Variants in FTO observed in about 807,000 individuals in gnomAD.
FTO encodes the protein alpha-ketoglutarate-dependent dioxygenase FTO.
Under a neutral mutation model 63.9 loss-of-function variants are expected in FTO, and 47 were observed. The observed-to-expected ratio is 0.74, with a 90% CI of 0.58 to 0.94. The LOEUF (loss-of-function observed/expected upper bound fraction) is 0.94, where lower values mean the gene tolerates loss of function less well. FTO is among the 40% of genes least tolerant of loss of function. FTO has a pLI of 0.00. For synonymous variants in FTO, 207 were observed against 224.4 expected (o/e 0.92, Z 0.69); for missense variants, 562 against 618.1 (o/e 0.91, Z 0.96).
chr16:53,871,700 A>G (rs1432335593), intron 4 of FTO, among the ~76,000 whole-genome samples: 1 of 151,872 alleles, frequency 6.6e-6, no homozygotes, highest in East Asian at 1.9e-4. Flanking sequence ...TCTAATGAAT[A>G]ATTAAATTAC....
At chr16:53,939,628 C>T (rs1162807912) in intron 8 of FTO, among the ~76,000 whole-genome samples, 6 of 152,184 alleles carry the variant, frequency 3.9e-5, no homozygotes, top group Non-Finnish European at 8.8e-5. Context: ...TCCCCCTTCT[C>T]CCCACAGTCC....
chr16:53,740,284 T>C (rs947353295), intron 1 of FTO, among the ~76,000 whole-genome samples: 1 of 152,120 alleles, frequency 6.6e-6, no homozygotes, highest in African/African-American at 2.4e-5. Flanking sequence ...TAGAGTGTAT[T>C]TTTTTTAAAG....
At chr16:53,813,521 C>T (rs1246207455) in intron 2 of FTO, among the ~76,000 whole-genome samples, 2 of 152,124 alleles carry the variant, frequency 1.3e-5, no homozygotes, top group African/African-American at 4.8e-5. Context: ...CAAAGTACAC[C>T]TTCTAGGAAG....
Position 53,905,684 on chromosome 16 carries a change from A to G in FTO, c.1239+16733A>G, listed in dbSNP as rs1001618726. Among the ~76,000 whole-genome samples, 24 of 152,214 alleles carry G rather than the reference A, an allele frequency of 1.6e-4. No homozygotes were observed. In the East Asian group the frequency reaches 4.3e-3, roughly 27 times the overall value. ...CCTGAGAGTATTTATCACTGTCCGA[A>G]ATTATGTTTTATGTGTTCACCTATT... On this transcript the variant is annotated intron_variant, in intron 7 of 8. Coordinates refer to ENST00000471389, the MANE Select transcript of FTO (RefSeq NM_001080432.3).
At chr16:53,764,664 G>A (rs1198165224) in intron 1 of FTO, among the ~76,000 whole-genome samples, 4 of 152,006 alleles carry the variant, frequency 2.6e-5, no homozygotes, top group East Asian at 1.9e-4. Context: ...TTTAAAAAAT[G>A]CAAAATGTTA....
rs2086974560 is a variant in FTO, at chr16:54,116,299, C to G, written c.*4384C>G. 1 of 151,812 alleles carries G rather than the reference C, an allele frequency of 6.6e-6. No individual in the cohort carries two copies. The allele number at this position is 151,812 out of a possible 1,614,324, so 9.4% of individuals were successfully genotyped here. ...TGCATACATTTGGATCCATGCCACG[C>G]TAAAAACTGTTTATTTTGGAGATCT... On this transcript the variant is annotated 3_prime_UTR_variant, in exon 9 of 9. Coordinates refer to ENST00000471389, the MANE Select transcript of FTO (RefSeq NM_001080432.3).
chr16:53,894,593 G>T (rs540841712), intron 7 of FTO, among the ~76,000 whole-genome samples: 1 of 151,234 alleles, frequency 6.6e-6, no homozygotes, highest in African/African-American at 2.4e-5. Context: ...TATAAATATC[G>T]AATTTTTTTG....
At chr16:53,746,811 C>T (rs2076661493) in intron 1 of FTO, among the ~76,000 whole-genome samples, 1 of 152,164 alleles carries the variant, frequency 6.6e-6, no homozygotes, top group African/African-American at 2.4e-5. Context: ...ACTTACTCCT[C>T]CTGTCTAATT....
At chr16:53,995,650 G>T (rs2083918568) in intron 8 of FTO, among the ~76,000 whole-genome samples, 1 of 152,194 alleles carries the variant, frequency 6.6e-6, no homozygotes, top group South Asian at 2.1e-4. Context: ...TAAGAGGAAA[G>T]CTTTCAGAGA....
chr16:53,769,783 A>C (rs554138049), intron 1 of FTO, among the ~76,000 whole-genome samples: 1 of 152,234 alleles, frequency 6.6e-6, no homozygotes, highest in Non-Finnish European at 1.5e-5. Context: ...ATGTAACAGT[A>C]ATGAGTAGGT....
chr16:54,018,138 C>G (rs1286618657), intron 8 of FTO, among the ~76,000 whole-genome samples: 1 of 152,006 alleles, frequency 6.6e-6, no homozygotes, highest in Non-Finnish European at 1.5e-5. Context: ...GCGTAATACT[C>G]TACCAAATAT....
At chr16:54,099,860 C>T (rs1185498574) in intron 8 of FTO, among the ~76,000 whole-genome samples, 2 of 152,164 alleles carry the variant, frequency 1.3e-5, no homozygotes, top group Non-Finnish European at 2.9e-5. Flanking sequence ...CAAGTTGCCG[C>T]TCTACAGGAC....
At chr16:54,068,875 A>G (rs1401002960) in intron 8 of FTO, among the ~76,000 whole-genome samples, 1 of 151,930 alleles carries the variant, frequency 6.6e-6, no homozygotes, top group Non-Finnish European at 1.5e-5. Flanking sequence ...CCTGATATTG[A>G]TTTCAGATTG....
At chr16:54,110,471 A>G (rs1300824261) in intron 8 of FTO, among the ~76,000 whole-genome samples, 1 of 152,220 alleles carries the variant, frequency 6.6e-6, no homozygotes, top group African/African-American at 2.4e-5. Context: ...TGTTATGTGT[A>G]ATGTACGACG....
intron 1 of FTO, among the ~76,000 whole-genome samples, chr16:53,775,441 A>C (rs2077437798): frequency 6.6e-6 from 1 of 152,136 alleles, no homozygotes; most frequent in African/African-American, 2.4e-5. Flanking sequence ...CTTTTGCAGT[A>C]GTCTCCTTAT....
intron 1 of FTO, among the ~76,000 whole-genome samples, chr16:53,724,821 G>C (rs1397014279): frequency 6.6e-6 from 1 of 152,146 alleles, no homozygotes; most frequent in Admixed American, 6.5e-5. Context: ...ATTCAGCTTG[G>C]TCCTCTGAAT....
chr16:53,780,757 C>T (rs528132845), intron 1 of FTO, among the ~76,000 whole-genome samples: 125 of 152,230 alleles, frequency 8.2e-4, no homozygotes, highest in African/African-American at 2.9e-3. Flanking sequence ...TCAATCATGG[C>T]CTCGTCATTT....
intron 1 of FTO, among the ~76,000 whole-genome samples, chr16:53,808,349 T>A (rs1567313768): frequency 6.6e-6 from 1 of 150,882 alleles, no homozygotes; most frequent in Non-Finnish European, 1.5e-5. Context: ...AAAAAAAAAA[T>A]TTCTTTGTTT....
chr16:53,752,125 A>G (rs1410927484), intron 1 of FTO, among the ~76,000 whole-genome samples: 2 of 152,244 alleles, frequency 1.3e-5, no homozygotes, highest in African/African-American at 4.8e-5. Flanking sequence ...AGTAGGGAAC[A>G]GTTTAAATAC....
Sources: gnomAD v4.1 joint callset for allele counts (sites outside exome capture counted in the v4.1 genomes callset) on GRCh38, gnomAD v4.1.1 for gene constraint, MANE v1.5 for transcripts, NCBI Gene and HGNC (gene_info 2026-07-23, HGNC 2026-07-21) for gene names.